The following DDX4 variants were observed in gnomAD, a reference collection of about 807,000 sequenced individuals.
DDX4 encodes probable ATP-dependent RNA helicase DDX4.
Under a neutral mutation model 100.0 loss-of-function variants are expected in DDX4, and 25 were observed. The observed-to-expected ratio is 0.25, with a 90% CI of 0.18 to 0.35. The LOEUF is 0.35. Among genes scored for constraint, DDX4 ranks in the 10% least tolerant of loss-of-function variants. The pLI is 1.00. For synonymous variants in DDX4, 259 were observed against 275.7 expected, an observed-to-expected ratio of 0.94 and a Z score of 0.60; for missense variants, 635 against 882.4, an observed-to-expected ratio of 0.72 and a Z score of 3.55.
At chr5:55,769,057 A>T (rs1190130807) in intron 7 of DDX4, among the ~76,000 whole-genome samples, 1 of 152,032 alleles carries the variant, frequency 6.6e-6, no homozygotes, top group Non-Finnish European at 1.5e-5. Context: ...ATTTTCTCCC[A>T]TTCTGTAGGT....
intron 2 of DDX4, 43 bp from the exon 3 acceptor site, chr5:55,746,121 A>G: frequency 6.7e-7 from 1 of 1,483,534 alleles, no homozygotes; most frequent in Non-Finnish European, 9.3e-7. Flanking sequence ...ACACGTTCAT[A>G]TTCAAAGTAG....
chr5:55,777,835 A>AT (rs1002301428), intron 7 of DDX4, among the ~76,000 whole-genome samples: 13 of 152,346 alleles, frequency 8.5e-5, no homozygotes, highest in African/African-American at 3.1e-4. Flanking sequence ...TTAAGGATAA[A>AT]TTCATCAGGA....
intron 3 of DDX4, among the ~76,000 whole-genome samples, chr5:55,757,509 A>G (rs1023447732): frequency 6.6e-6 from 1 of 152,136 alleles, no homozygotes; most frequent in African/African-American, 2.4e-5. Context: ...ATTGATGGGC[A>G]TTTGGGCTGG....
At chr5:55,756,223 A>G (rs1381360567) in intron 3 of DDX4, among the ~76,000 whole-genome samples, 1 of 152,192 alleles carries the variant, frequency 6.6e-6, no homozygotes, top group East Asian at 1.9e-4. Flanking sequence ...GATTGGCAGA[A>G]CAGTAGCATT....
Position 55,785,481 on chromosome 5 carries a change from T to G in DDX4, c.708T>G (p.Ser236Arg). 3.1e-6 allele frequency: 5 copies of G among 1,605,084 alleles called. No individual in the cohort carries two copies. Among genetic ancestry groups the G allele is most frequent in the Non-Finnish European group, 4.3e-6 (5 of 1,173,594 alleles). ...AGTCAGAAGCAGAAGGAGGAGAAAG[T>G]AGTGATACTCAAGGTATATTAACAT... ...SWKSEAEGGE[S>R]SDTQGPKVTY... Residue 236 changes from serine (S) to arginine (R), a missense_variant, in exon 12 of 22, where the codon AGT becomes AGG. Physicochemically the swap from Ser to Arg is moderately radical, Grantham distance 110 (BLOSUM62 -1). Around this residue, in one of 4 missense-constraint regions of DDX4, gnomAD observed 446 missense variants for 540.8 expected, o/e 0.82. Transcript: ENST00000505374.
At chr5:55,780,166 G>C in intron 8 of DDX4, 101 bp downstream of exon 8, 3 of 1,508,282 alleles carry the variant, frequency 2.0e-6, no homozygotes, top group Admixed American at 4.2e-5. Context: ...GATTATATGA[G>C]AATAGCTTAG....
intron 7 of DDX4, 24 bp from the exon 8 acceptor site, chr5:55,779,940 C>T (rs762306481): frequency 6.2e-6 from 10 of 1,606,044 alleles, no homozygotes; most frequent in African/African-American, 1.3e-5. Context: ...TTGTGTTGTT[C>T]TTGTGTGTGT....
intron 2 of DDX4, among the ~76,000 whole-genome samples, chr5:55,744,637 G>A (rs765850949): frequency 1.2e-4 from 19 of 152,206 alleles, no homozygotes; most frequent in Non-Finnish European, 2.2e-4. Flanking sequence ...TGTAATGCAT[G>A]TGTGTTAATA....
Position 55,816,661 on chromosome 5 carries a change from T to G in DDX4, c.*121T>G. 2 of 1,446,888 alleles carry G rather than the reference T, an allele frequency of 1.4e-6. No homozygotes were observed. Among genetic ancestry groups the G allele is most frequent in the African/African-American group, 1.4e-5 (1 of 69,420 alleles). The allele number at this position is 1,446,888 out of a possible 1,614,324, so 89.6% of individuals were successfully genotyped here. A position where few individuals can be genotyped will look rare whatever the true frequency, so the allele number is the denominator to read the frequency against. On this transcript the variant is annotated 3_prime_UTR_variant, in exon 22 of 22. Transcript: ENST00000505374. ...ATAGCTCCTGTCCTTGTATTCTCACTCCTACACTTAAAAAAAAAATCCTTA... is the reference window on the plus strand; with the variant it reads ...ATAGCTCCTGTCCTTGTATTCTCACGCCTACACTTAAAAAAAAAATCCTTA...
At chr5:55,790,483 T>C in intron 15 of DDX4, 93 bp from the exon 16 acceptor site, 1 of 890,822 alleles carries the variant, frequency 1.1e-6, no homozygotes. Context: ...AATGTTTGTT[T>C]TTTTCTTTTT....
chr5:55,784,191 TG>T (rs1313265355), intron 10 of DDX4, among the ~76,000 whole-genome samples: 1 of 152,120 alleles, frequency 6.6e-6, no homozygotes, highest in Non-Finnish European at 1.5e-5. Context: ...AACCTCTTGG[TG>T]GGGCGGAGTC....
Position 55,798,632 on chromosome 5 carries a change from A to C in DDX4, c.1615+61A>C, listed in dbSNP as rs558170386. 8.9e-6 allele frequency: 13 copies of C among 1,454,158 alleles called. No homozygotes were observed. In the African/African-American group the frequency reaches 1.9e-4, roughly 21 times the overall value. The allele number at this position is 1,454,158 out of a possible 1,614,324, so 90.1% of individuals were successfully genotyped here. A position where few individuals can be genotyped will look rare whatever the true frequency, so the allele number is the denominator to read the frequency against. ...TGATTTTTTTTAATGAATAATTTAA[A>C]AAATCACTAAAGAATTGTTTGGTCT... On this transcript the variant is annotated intron_variant, in intron 18 of 21. Coordinates refer to ENST00000505374, the MANE Select transcript of DDX4 (RefSeq NM_024415.3).
At chr5:55,743,871 C>A (rs2111576928) in intron 2 of DDX4, among the ~76,000 whole-genome samples, 1 of 136,402 alleles carries the variant, frequency 7.3e-6, no homozygotes, top group South Asian at 2.3e-4. Context: ...TTTTTCAGTT[C>A]TTTAGTGTAA....
chr5:55,802,829 A>G (rs1372495392), intron 18 of DDX4, among the ~76,000 whole-genome samples: 1 of 152,254 alleles, frequency 6.6e-6, no homozygotes, highest in East Asian at 1.9e-4. Context: ...AAGGTTCATG[A>G]TAAGAATAAT....
Position 55,746,231 on chromosome 5 carries a change from A to G in DDX4, c.127+10A>G. 6.2e-7 allele frequency: 1 copy of G among 1,605,912 alleles called. No individual in the cohort carries two copies. Among genetic ancestry groups the G allele is most frequent in the Non-Finnish European group, 8.5e-7 (1 of 1,177,078 alleles). ...CCAGCTTCATCATCAGGTATGTGTT[A>G]TGGGAAAAAGGTAAAACCCTTTTTA... is the stretch of plus-strand genomic sequence containing the variant. On this transcript the variant is annotated intron_variant, in intron 3 of 21. Coordinates refer to ENST00000505374, the MANE Select transcript of DDX4 (RefSeq NM_024415.3).
chr5:55,777,538 G>A (rs1456882747), intron 7 of DDX4: 1 of 152,164 alleles, frequency 6.6e-6, no homozygotes, highest in Non-Finnish European at 1.5e-5. Flanking sequence ...GGTTGGACCT[G>A]GTTAGTACTT....
chr5:55,808,305 C>T (rs1300107558), intron 18 of DDX4, among the ~76,000 whole-genome samples: 1 of 152,154 alleles, frequency 6.6e-6, no homozygotes, highest in African/African-American at 2.4e-5. Flanking sequence ...CTGATGCCTT[C>T]TTCTCTCAAC....
chr5:55,766,819 T>G lies in DDX4; in HGVS notation c.335-1062T>G, dbSNP rs191587813. 14 of 1,285,200 alleles carry G rather than the reference T, an allele frequency of 1.1e-5. No homozygotes were observed. In the Admixed American group the frequency reaches 4.2e-4, roughly 38 times the overall value. The allele number at this position is 1,285,200 out of a possible 1,614,324, so 79.6% of individuals were successfully genotyped here. Reference sequence around the variant, plus strand: ...AAGATCCCTTGAAACCATCTTTGTATTCCCAAATGTGACTTTTTTTGGAAT... The same window carrying G: ...AAGATCCCTTGAAACCATCTTTGTAGTCCCAAATGTGACTTTTTTTGGAAT... On this transcript the variant is annotated intron_variant, in intron 6 of 21. Coordinates refer to ENST00000505374, the MANE Select transcript of DDX4 (RefSeq NM_024415.3).
At chr5:55,742,223 ATT>A in intron 2 of DDX4, 1 of 456,266 alleles carries the variant, frequency 2.2e-6, no homozygotes, top group Non-Finnish European at 4.4e-6. Context: ...CTGCAGGCTT[ATT>A]GGGGTGAGTG....
Sources: gnomAD v4.1 joint callset for allele counts (sites outside exome capture counted in the v4.1 genomes callset) on GRCh38, gnomAD v4.1.1 for gene constraint, gnomAD v4.1.1 regional missense constraint, MANE v1.5 for transcripts, NCBI Gene and HGNC (gene_info 2026-07-23, HGNC 2026-07-21) for gene names.